AKAP6: variants seen among roughly 807,000 people sequenced by gnomAD.
AKAP6 encodes the protein A-kinase anchoring protein 6.
A neutral mutation model predicts 188.5 loss-of-function variants in AKAP6; 58 were observed. That is an observed-to-expected ratio of 0.31 (90% CI 0.25 to 0.38). The LOEUF is 0.38. AKAP6 is among the 10% of genes least tolerant of loss of function. The probability of loss-of-function intolerance (pLI) is 1.00; values close to 1 mark genes in which losing one functional copy is unlikely to be tolerated. For synonymous variants in AKAP6, 989 were observed against 998.6 expected (o/e 0.99, Z 0.18); for missense variants, 2,710 against 2,740.0 (o/e 0.99, Z 0.24).
At chr14:32,379,737 C>G (rs1318498726) in intron 1 of AKAP6, among the ~76,000 whole-genome samples, 1 of 152,180 alleles carries the variant, frequency 6.6e-6, no homozygotes, top group Non-Finnish European at 1.5e-5. Context: ...TAGAACTGAG[C>G]TCAGCAACTC....
At position 32,546,986 on chromosome 14, in the gene AKAP6, G is replaced by T; in HGVS notation, c.2333G>T (p.Trp778Leu). The T allele has an allele frequency of 6.3e-7, 1 of 1,590,256 alleles. No individual in the cohort carries two copies. The highest frequency in any genetic ancestry group is 1.1e-5 in the South Asian group (1 of 88,218). Residue 778 changes from tryptophan to leucine, a missense_variant, in exon 4 of 14, where the codon TGG (tryptophan) becomes TTG (leucine). By Grantham distance (61) the Trp-to-Leu change is moderately conservative (BLOSUM62 -2). Coordinates refer to ENST00000280979, the MANE Select transcript of AKAP6 (RefSeq NM_004274.5). ...IQHQDNYEAI[W>L]EKIEGFVNKL... ...CACCAAGACAACTATGAAGCCATATGGGAAAAAATAGAGGTAAGGTGGTTT... is the reference window on the plus strand; with the variant it reads ...CACCAAGACAACTATGAAGCCATATTGGAAAAAATAGAGGTAAGGTGGTTT...
At chr14:32,469,764 G>T (rs1198130733) in intron 2 of AKAP6, among the ~76,000 whole-genome samples, 2 of 146,760 alleles carry the variant, frequency 1.4e-5, no homozygotes, top group African/African-American at 5.1e-5. Context: ...CAGACATGCT[G>T]CTCGGAGATG....
intron 1 of AKAP6, among the ~76,000 whole-genome samples, chr14:32,335,671 T>C (rs1886667488): frequency 6.6e-6 from 1 of 152,122 alleles, no homozygotes; most frequent in African/African-American, 2.4e-5. Context: ...CAAATCTTCT[T>C]TGCAAAGCAA....
intron 13 of AKAP6, among the ~76,000 whole-genome samples, chr14:32,825,593 T>C (rs1439876600): frequency 2.0e-5 from 3 of 152,190 alleles, no homozygotes; most frequent in Non-Finnish European, 2.9e-5. Flanking sequence ...AAGACAGCTA[T>C]TGATCGATAA....
chr14:32,376,538 CA>C (rs1188134911), intron 1 of AKAP6, among the ~76,000 whole-genome samples: 1 of 151,986 alleles, frequency 6.6e-6, no homozygotes, highest in Non-Finnish European at 1.5e-5. Flanking sequence ...AATAAATAAA[CA>C]AAATGGATAA....
intron 9 of AKAP6, among the ~76,000 whole-genome samples, chr14:32,720,832 G>A (rs1314220893): frequency 1.3e-5 from 2 of 152,040 alleles, no homozygotes; most frequent in Non-Finnish European, 2.9e-5. Context: ...ACTCCAGCCT[G>A]GGCAACACAG....
intron 5 of AKAP6, among the ~76,000 whole-genome samples, chr14:32,589,815 C>T (rs76979687): frequency 2.4e-4 from 37 of 152,236 alleles, no homozygotes; most frequent in Non-Finnish European, 4.9e-4. Flanking sequence ...CAGTATTATA[C>T]AAAGCATTGA....
At chr14:32,808,624 C>T (rs901484581) in intron 12 of AKAP6, among the ~76,000 whole-genome samples, 2 of 152,116 alleles carry the variant, frequency 1.3e-5, no homozygotes, top group Non-Finnish European at 2.9e-5. Context: ...TTTTACGGTC[C>T]GAAAGAACCC....
chr14:32,497,741 T>C (rs1880399650), intron 2 of AKAP6, among the ~76,000 whole-genome samples: 1 of 151,944 alleles, frequency 6.6e-6, no homozygotes, highest in African/African-American at 2.4e-5. Flanking sequence ...GGCATTAAAA[T>C]CTCCAATTAA....
intron 1 of AKAP6, among the ~76,000 whole-genome samples, chr14:32,398,803 T>TCTCTCC: frequency 8.4e-6 from 1 of 118,656 alleles, no homozygotes; most frequent in South Asian, 3.1e-4. Context: ...TCTCTCTCTC[T>TCTCTCC]CCCCCTCCCC....
intron 12 of AKAP6, among the ~76,000 whole-genome samples, chr14:32,809,711 G>T (rs1317186542): frequency 6.6e-6 from 1 of 152,156 alleles, no homozygotes; most frequent in Non-Finnish European, 1.5e-5. Flanking sequence ...GGAGCAGGGG[G>T]CTTCAATTTT....
At chr14:32,653,668 A>T (rs1888324458) in intron 7 of AKAP6, among the ~76,000 whole-genome samples, 1 of 152,160 alleles carries the variant, frequency 6.6e-6, no homozygotes, top group Admixed American at 6.5e-5. Flanking sequence ...TGCCTAGTAC[A>T]GTTTGTCATC....
chr14:32,735,929 G>A (rs1229111310), intron 11 of AKAP6, 47 bp downstream of exon 11: 3 of 1,384,428 alleles, frequency 2.2e-6, no homozygotes, highest in Non-Finnish European at 3.0e-6. Flanking sequence ...TTTTATGGTA[G>A]GGATGAAATA....
At chr14:32,629,412 CAAAAAAAAA>C (rs5807669) in intron 7 of AKAP6, among the ~76,000 whole-genome samples, 1 of 90,242 alleles carries the variant, frequency 1.1e-5, no homozygotes. Flanking sequence ...GCGAGTTTCT[CAAAAAAAAA>C]AAAAAAAAAG....
intron 2 of AKAP6, among the ~76,000 whole-genome samples, chr14:32,506,343 C>T (rs972046202): frequency 4.6e-5 from 7 of 151,968 alleles, no homozygotes; most frequent in African/African-American, 1.7e-4. Flanking sequence ...ACCTAATGGC[C>T]GATAAGTCTA....
At chr14:32,803,497 T>C (rs541100153) in intron 12 of AKAP6, among the ~76,000 whole-genome samples, 1 of 152,312 alleles carries the variant, frequency 6.6e-6, no homozygotes, top group African/African-American at 2.4e-5. Context: ...AGAAGAAAAG[T>C]TCTTCTAAAA....
At chr14:32,646,408 A>G (rs567375624) in intron 7 of AKAP6, among the ~76,000 whole-genome samples, 22 of 152,158 alleles carry the variant, frequency 1.4e-4, no homozygotes, top group African/African-American at 5.1e-4. Flanking sequence ...TTCTGAGTTT[A>G]GGCTAAGCAA....
At chr14:32,632,707 G>T (rs917483861) in intron 7 of AKAP6, among the ~76,000 whole-genome samples, 2 of 152,030 alleles carry the variant, frequency 1.3e-5, no homozygotes, top group African/African-American at 4.8e-5. Context: ...TAAATGACGA[G>T]CAGGGGCAAG....
intron 1 of AKAP6, among the ~76,000 whole-genome samples, chr14:32,360,707 C>T (rs1473657852): frequency 8.1e-6 from 1 of 123,348 alleles, no homozygotes; most frequent in Admixed American, 8.5e-5. Context: ...CAGTTTTGGC[C>T]ATTGAGTGTG....
Sources: allele counts gnomAD v4.1 joint callset (sites outside exome capture counted in the v4.1 genomes callset), GRCh38; gene constraint gnomAD v4.1.1; transcripts MANE v1.5; gene names NCBI Gene and HGNC (gene_info 2026-07-23, HGNC 2026-07-21).